NBAS: variants seen among roughly 807,000 people sequenced by gnomAD.
NBAS encodes NBAS subunit of NRZ tethering complex.
NBAS carries 219 observed loss-of-function variants against 302.5 expected under a neutral mutation model. The observed-to-expected ratio is 0.72, with a 90% CI of 0.65 to 0.81. The LOEUF is 0.81. NBAS is among the 30% of genes least tolerant of loss of function. NBAS has a pLI of 0.00. For synonymous variants in NBAS, 1,118 were observed against 1,021.6 expected (o/e 1.09, Z -1.80); for missense variants, 2,932 against 2,841.6 (o/e 1.03, Z -0.72).
At chr2:15,024,305 T>A in the NBAS span, among the ~76,000 whole-genome samples, 116,847 of 151,678 alleles carry the variant, frequency 0.77, 45,270 homozygotes, top group East Asian at 1. Flanking sequence ...AAAAACATGA[T>A]CTTGTTCTTT....
intron 6 of NBAS, among the ~76,000 whole-genome samples, chr2:15,550,695 T>C (rs1223132354): frequency 6.6e-6 from 1 of 152,028 alleles, no homozygotes; most frequent in Non-Finnish European, 1.5e-5. Context: ...CAAGTGATTC[T>C]CCTGCCTCGG....
chr2:15,542,650 A>T (rs945936793), intron 6 of NBAS, among the ~76,000 whole-genome samples: 22 of 144,378 alleles, frequency 1.5e-4, no homozygotes, highest in East Asian at 1.3e-3. Flanking sequence ...TAAATAAGAT[A>T]AAAAAAATAA....
At chr2:15,115,103 T>C in the NBAS span, among the ~76,000 whole-genome samples, 1 of 152,236 alleles carries the variant, frequency 6.6e-6, no homozygotes, top group Non-Finnish European at 1.5e-5. Context: ...CCTGTCTTCA[T>C]GAACTCTCTA....
chr2:15,508,739 C>T (rs948691785), intron 10 of NBAS, among the ~76,000 whole-genome samples: 1 of 151,996 alleles, frequency 6.6e-6, no homozygotes, highest in African/African-American at 2.4e-5. Context: ...CATGGTGGCT[C>T]ACGCCTGTAA....
chr2:15,174,456 T>C (rs962182069), intron 51 of NBAS, among the ~76,000 whole-genome samples: 3 of 152,124 alleles, frequency 2.0e-5, no homozygotes, highest in Non-Finnish European at 2.9e-5. Flanking sequence ...GGGGTATAGG[T>C]TTCATTTAGG....
chr2:15,090,176 G>A, the NBAS span, among the ~76,000 whole-genome samples: 1 of 152,184 alleles, frequency 6.6e-6, no homozygotes, highest in African/African-American at 2.4e-5. Flanking sequence ...CTACGTGTGT[G>A]TCTGTTTCTT....
At chr2:14,940,215 C>G in the NBAS span, among the ~76,000 whole-genome samples, 1 of 152,190 alleles carries the variant, frequency 6.6e-6, no homozygotes, top group African/African-American at 2.4e-5. Context: ...GCTGCTCAAG[C>G]CTCCAATAGA....
chr2:14,994,522 T>C, the NBAS span, among the ~76,000 whole-genome samples: 1 of 152,152 alleles, frequency 6.6e-6, no homozygotes, highest in Non-Finnish European at 1.5e-5. Flanking sequence ...GGATTCCAGA[T>C]GCACCCTCCT....
chr2:15,280,982 C>A (rs940051359), intron 42 of NBAS, among the ~76,000 whole-genome samples: 1 of 152,172 alleles, frequency 6.6e-6, no homozygotes, highest in Non-Finnish European at 1.5e-5. Context: ...ATAATCATGG[C>A]ATTTTTTAGT....
the NBAS span, among the ~76,000 whole-genome samples, chr2:14,960,857 C>T: frequency 1.3e-5 from 2 of 152,192 alleles, no homozygotes; most frequent in Admixed American, 1.3e-4. Flanking sequence ...CCTGGCCTTC[C>T]TTCTAATCCA....
chr2:14,979,185 G>C, the NBAS span, among the ~76,000 whole-genome samples: 1 of 152,142 alleles, frequency 6.6e-6, no homozygotes, highest in African/African-American at 2.4e-5. Context: ...ATATTGCCCT[G>C]ATATTGCTAT....
chr2:15,404,027 C>T (rs374420342), intron 25 of NBAS, among the ~76,000 whole-genome samples: 152 of 152,098 alleles, frequency 1.0e-3, no homozygotes, highest in African/African-American at 3.6e-3. Context: ...AGGCATGAGC[C>T]ACCACACACA....
At chr2:15,416,998 C>T (rs1676971501) in intron 24 of NBAS, among the ~76,000 whole-genome samples, 1 of 152,106 alleles carries the variant, frequency 6.6e-6, no homozygotes, top group East Asian at 1.9e-4. Context: ...GCTACCACCT[C>T]CACAGCACCA....
chr2:15,522,257 T>C (rs1267537004), intron 9 of NBAS, among the ~76,000 whole-genome samples: 1 of 152,156 alleles, frequency 6.6e-6, no homozygotes, highest in African/African-American at 2.4e-5. Context: ...GTCTGAAGTA[T>C]AAGGATGGCA....
intron 26 of NBAS, among the ~76,000 whole-genome samples, chr2:15,396,746 T>A (rs1675885351): frequency 8.2e-6 from 1 of 122,132 alleles, no homozygotes; most frequent in Non-Finnish European, 1.8e-5. Context: ...GGTAAAAAAA[T>A]ATATAAATCG....
chr2:15,513,718 G>A (rs938990643), intron 9 of NBAS, among the ~76,000 whole-genome samples: 1 of 151,888 alleles, frequency 6.6e-6, no homozygotes, highest in Admixed American at 6.6e-5. Context: ...GTTGGATGCA[G>A]TGGCTCATGT....
chr2:15,533,321 T>C (rs1463632450), intron 9 of NBAS, among the ~76,000 whole-genome samples: 2 of 152,218 alleles, frequency 1.3e-5, no homozygotes, highest in Non-Finnish European at 2.9e-5. Context: ...TGCATAATTA[T>C]TTCTACCACA....
intron 9 of NBAS, among the ~76,000 whole-genome samples, chr2:15,526,301 C>T (rs896161116): frequency 1.3e-5 from 2 of 152,068 alleles, no homozygotes; most frequent in Non-Finnish European, 2.9e-5. Context: ...GAGCTTATCC[C>T]AAAGCTTCTC....
At chr2:15,383,407 ACTGG>A in intron 28 of NBAS, 90 bp from the exon 29 acceptor site, 1 of 1,042,972 alleles carries the variant, frequency 9.6e-7, no homozygotes, top group Non-Finnish European at 1.5e-6. Flanking sequence ...AAAAACAAAA[ACTGG>A]TACCACCACT....
Sources: gnomAD v4.1 joint callset for allele counts (sites outside exome capture counted in the v4.1 genomes callset) on GRCh38, gnomAD v4.1.1 for gene constraint, MANE v1.5 for transcripts, NCBI Gene and HGNC (gene_info 2026-07-23, HGNC 2026-07-21) for gene names.